TAF4: variants seen among roughly 807,000 people sequenced by gnomAD.
The protein encoded by TAF4 is TATA-box binding protein associated factor 4, also known as transcription initiation factor TFIID subunit 4.
Under a neutral mutation model 90.3 loss-of-function variants are expected in TAF4, and 9 were observed. The ratio of observed to expected loss-of-function variants is 0.10; its 90% CI spans 0.06 to 0.17. The LOEUF (loss-of-function observed/expected upper bound fraction) is 0.17, where lower values mean the gene tolerates loss of function less well. Among genes scored for constraint, TAF4 ranks in the 10% least tolerant of loss-of-function variants. The pLI is 1.00. For synonymous variants in TAF4, 818 were observed against 638.9 expected, an observed-to-expected ratio of 1.28 and a Z score of -4.23; for missense variants, 1,351 against 1,370.7, an observed-to-expected ratio of 0.99 and a Z score of 0.23.
intron 1 of TAF4, among the ~76,000 whole-genome samples, chr20:62,047,773 G>A (rs1239267766): frequency 6.6e-6 from 1 of 152,186 alleles, no homozygotes; most frequent in African/African-American, 2.4e-5. Flanking sequence ...GAGAAGAGTC[G>A]CCCCTGGCTC....
intron 1 of TAF4, among the ~76,000 whole-genome samples, chr20:62,025,489 G>A (rs1387234430): frequency 6.6e-6 from 1 of 152,078 alleles, no homozygotes. Flanking sequence ...CCCCACGTGT[G>A]GAGGGAGGGA....
intron 1 of TAF4, among the ~76,000 whole-genome samples, chr20:62,061,935 G>A (rs959170586): frequency 6.6e-6 from 1 of 152,188 alleles, no homozygotes; most frequent in Non-Finnish European, 1.5e-5. Flanking sequence ...GAAACACTCG[G>A]GCCTAAGGCT....
At chr20:62,002,052 T>G (rs2055708578) in intron 9 of TAF4, among the ~76,000 whole-genome samples, 1 of 152,218 alleles carries the variant, frequency 6.6e-6, no homozygotes, top group South Asian at 2.1e-4. Context: ...ATTCCAATCC[T>G]GAGCCAGCCC....
chr20:62,006,474 T>G lies in TAF4; in HGVS notation c.2223+36A>C, dbSNP rs28382081. The G allele has an allele frequency of 3.7e-4, 520 of 1,396,050 alleles. 4 individuals are homozygous for G. In the East Asian group the frequency reaches 0.013, roughly 34 times the overall value. The allele number at this position is 1,396,050 out of a possible 1,614,324, so 86.5% of individuals were successfully genotyped here. On this transcript the variant is annotated intron_variant, in intron 7 of 14. Coordinates refer to ENST00000252996, the MANE Select transcript of TAF4 (RefSeq NM_003185.4). The surrounding 1 kb of genome is among the most constrained non-coding windows in gnomAD (Gnocchi z 7.0). ...GAAGCGGGCGGGAGCAGAGGCACGG[T>G]GGGCTGTGCAGACCAGTCAGGCGCC...
At chr20:61,992,020 CTT>C (rs1285365117) in intron 14 of TAF4, among the ~76,000 whole-genome samples, 1 of 152,172 alleles carries the variant, frequency 6.6e-6, no homozygotes, top group Non-Finnish European at 1.5e-5. Flanking sequence ...AAAAACAGAC[CTT>C]CAGGTACAAA....
intron 14 of TAF4, chr20:61,980,140 G>C (rs2055530307): frequency 6.6e-6 from 1 of 152,394 alleles, no homozygotes; most frequent in African/African-American, 2.4e-5. Context: ...CTGACGCATG[G>C]CGCTGCAGAC....
chr20:62,033,003 G>T (rs956737220), intron 1 of TAF4, among the ~76,000 whole-genome samples: 2 of 152,170 alleles, frequency 1.3e-5, no homozygotes, highest in African/African-American at 4.8e-5. Flanking sequence ...GCTGGGAAAT[G>T]ATGGATGCGG....
intron 1 of TAF4, among the ~76,000 whole-genome samples, chr20:62,035,403 T>C (rs1241319958): frequency 6.6e-6 from 1 of 152,104 alleles, no homozygotes; most frequent in Non-Finnish European, 1.5e-5. Flanking sequence ...TAGAAACGGA[T>C]GCCACATAAT....
At chr20:61,976,991 C>G (rs1343836386) in intron 14 of TAF4, among the ~76,000 whole-genome samples, 1 of 152,244 alleles carries the variant, frequency 6.6e-6, no homozygotes, top group Non-Finnish European at 1.5e-5. Flanking sequence ...GTGGAGAGCT[C>G]TGGCGGTTTC....
chr20:62,010,156 C>T lies in TAF4; in HGVS notation c.1651G>A (p.Val551Ile), dbSNP rs1021238095. The T allele has an allele frequency of 2.2e-5, 35 of 1,613,768 alleles. No homozygotes were observed. Among genetic ancestry groups the T allele is most frequent in the East Asian group, 6.7e-5 (3 of 44,872 alleles). The change falls in exon 4 of 15, where the codon GTT becomes ATT. Residue 551 changes from valine to isoleucine, a missense_variant. By Grantham distance (29) the Val-to-Ile change is conservative. This residue lies in a region of TAF4 where 143 missense variants were observed against 176.3 expected (regional missense o/e 0.81). Coordinates refer to ENST00000252996, the MANE Select transcript of TAF4 (RefSeq NM_003185.4). This position sits in a 1 kb window ranked among gnomAD's most constrained non-coding sequence, Gnocchi z 4.5. ...GCCGTCTGGGCAGCGCCACCCAGAA[C>T]GAGCTGAGGCTACAAGAATCCAAAA... ...QRSPGVQPQL[V>I]LGGAAQTASL...
chr20:62,003,706 G>C (rs773097361), intron 8 of TAF4, 25 bp downstream of exon 8: 3 of 1,558,568 alleles, frequency 1.9e-6, no homozygotes, highest in South Asian at 1.2e-5. Flanking sequence ...GGTGTTGAGC[G>C]GCCAGGGGCC....
rs779285138 is a variant in TAF4, at chr20:62,006,679, G to T, written c.2054C>A (p.Pro685His). 3 of 1,594,750 alleles carry T rather than the reference G, an allele frequency of 1.9e-6. No homozygotes were observed. Among genetic ancestry groups the T allele is most frequent in the Non-Finnish European group, 2.6e-6 (3 of 1,167,340 alleles). Residue 685 changes from proline to histidine, a missense_variant, in exon 7 of 15, where the codon CCC (proline) becomes CAC (histidine). This residue lies in a region of TAF4 where 202 missense variants were observed against 229.7 expected (regional missense o/e 0.88). Transcript: ENST00000252996. This position sits in a 1 kb window ranked among gnomAD's most constrained non-coding sequence, Gnocchi z 7.0. The part of the protein sequence containing the change: ...IQQSQQQPPP[P>H]TSQATTALTA... ...GAGCGCAGTGGTGGCCTGCGAGGTG[G>T]GCGGTGGCGGCTGCTGCTGGCTCTG...
In TAF4 at chr20:62,012,797, C is replaced by T. The variant is rs749858083; in HGVS notation, c.1641+18G>A. Reference sequence around the variant, plus strand: ...GTGGCCCCTGCAGCCTCAAGAGATCCGCCGCCTGCCCTCTCACCTGGACGC... The same window carrying T: ...GTGGCCCCTGCAGCCTCAAGAGATCTGCCGCCTGCCCTCTCACCTGGACGC... On this transcript the variant is annotated intron_variant, in intron 3 of 14. Transcript: ENST00000252996. 9 of 1,603,938 alleles carry T rather than the reference C, an allele frequency of 5.6e-6. No homozygotes were observed. Among genetic ancestry groups the T allele is most frequent in the East Asian group, 4.5e-5 (2 of 44,584 alleles).
At chr20:62,003,668 A>T in intron 8 of TAF4, 63 bp downstream of exon 8, 1 of 1,492,294 alleles carries the variant, frequency 6.7e-7, no homozygotes, top group South Asian at 1.3e-5. Context: ...TAAAAGCCCA[A>T]TGGCAGCTGG....
At chr20:61,981,876 T>C (rs1333993702) in intron 14 of TAF4, among the ~76,000 whole-genome samples, 929 of 24,422 alleles carry the variant, frequency 0.038, 1 homozygote, top group African/African-American at 0.14. Context: ...GACACCAAAC[T>C]CACACCCCAC....
At chr20:62,017,667 T>A (rs1289515391) in intron 1 of TAF4, among the ~76,000 whole-genome samples, 3 of 151,618 alleles carry the variant, frequency 2.0e-5, no homozygotes, top group Admixed American at 6.6e-5. Context: ...AATAATAATT[T>A]AAAAAAATTG....
At chr20:62,024,840 A>C (rs143568126) in intron 1 of TAF4, among the ~76,000 whole-genome samples, 1 of 152,236 alleles carries the variant, frequency 6.6e-6, no homozygotes, top group East Asian at 1.9e-4. Flanking sequence ...ACTGCACTCC[A>C]GCCCAGGCAA....
intron 12 of TAF4, among the ~76,000 whole-genome samples, 192 bp downstream of exon 12, chr20:61,998,791 T>C (rs1427344432): frequency 1.3e-5 from 2 of 152,220 alleles, no homozygotes; most frequent in Non-Finnish European, 2.9e-5. Context: ...GCCCCGCTTT[T>C]CAAGCATCTA....
rs202169339 is a variant in TAF4 at position 61,997,837 on chromosome 20, A to AT, written c.2971-169dup. 6.4e-3 allele frequency among the ~76,000 whole-genome samples: 973 copies of AT among 152,212 alleles called. 11 individuals are homozygous for AT. Among genetic ancestry groups the AT allele is most frequent in the African/African-American group, 0.021 (892 of 41,524 alleles). On this transcript the variant is annotated intron_variant, in intron 13 of 14. Coordinates refer to ENST00000252996, the MANE Select transcript of TAF4 (RefSeq NM_003185.4). ...CATATTCTATAATCCAAAAAATAAG[A>AT]TTTTTTTTAATGCAACAGATGTTTG...
Sources: allele counts gnomAD v4.1 joint callset (sites outside exome capture counted in the v4.1 genomes callset), GRCh38; gene constraint gnomAD v4.1.1; regional missense constraint gnomAD v4.1.1; non-coding constraint Gnocchi (gnomAD v3.1); transcripts MANE v1.5; gene names NCBI Gene and HGNC (gene_info 2026-07-23, HGNC 2026-07-21).